The following PTK2 variants were observed in gnomAD, a reference collection of about 807,000 sequenced individuals.
PTK2 encodes the protein focal adhesion kinase 1.
A neutral mutation model predicts 150.1 loss-of-function variants in PTK2; 45 were observed. The observed-to-expected ratio is 0.30, with a 90% CI of 0.24 to 0.38. The LOEUF is 0.38. Ranked by LOEUF, PTK2 falls within the 10% of genes least tolerant of loss-of-function variation. The pLI, the probability that PTK2 is intolerant of heterozygous loss-of-function variation, is 1.00. For missense variants in PTK2, 919 were observed against 1,307.3 expected (o/e 0.70, Z 4.58); for synonymous variants, 432 against 449.2 (o/e 0.96, Z 0.48).
intron 17 of PTK2, among the ~76,000 whole-genome samples, chr8:140,747,699 AGGAGGAGGGGGAGGAAG>A (rs1297440498): frequency 1.6e-4 from 9 of 54,594 alleles, no homozygotes; most frequent in African/African-American, 3.8e-4. Flanking sequence ...AGGAGGAGGG[AGGAGGAGGGGGAGGAAG>A]GGAGGAGGGG....
chr8:140,793,322 C>CA, intron 13 of PTK2, 32 bp downstream of exon 13: 2 of 1,588,122 alleles, frequency 1.3e-6, no homozygotes, highest in Non-Finnish European at 1.7e-6. Flanking sequence ...TCCAACAAAA[C>CA]AAAATAACAG....
chr8:140,988,750 A>G (rs1176651109), intron 1 of PTK2, among the ~76,000 whole-genome samples: 1 of 150,608 alleles, frequency 6.6e-6, no homozygotes, highest in Non-Finnish European at 1.5e-5. Flanking sequence ...AAAAAAAAAA[A>G]AGACACACAC....
At chr8:140,858,874 T>C (rs2100134418) in intron 5 of PTK2, among the ~76,000 whole-genome samples, 1 of 152,100 alleles carries the variant, frequency 6.6e-6, no homozygotes, top group South Asian at 2.1e-4. Context: ...ACAATTAGTA[T>C]CAAATGAGCC....
intron 27 of PTK2, among the ~76,000 whole-genome samples, chr8:140,684,814 T>G (rs2100018923): frequency 6.6e-6 from 1 of 152,198 alleles, no homozygotes; most frequent in Admixed American, 6.5e-5. Flanking sequence ...CCAATGGTCA[T>G]ACCGCCCAAA....
intron 30 of PTK2, among the ~76,000 whole-genome samples, chr8:140,667,618 C>G (rs1264062900): frequency 2.6e-5 from 4 of 152,186 alleles, no homozygotes; most frequent in Admixed American, 6.5e-5. Context: ...TCCTTTTACA[C>G]AGGACACCTG....
chr8:140,779,080 G>A (rs1321288489), intron 14 of PTK2, among the ~76,000 whole-genome samples: 1 of 151,752 alleles, frequency 6.6e-6, no homozygotes. Flanking sequence ...GGTCAACATG[G>A]TGAAACCCCG....
At chr8:140,703,726 ATT>A (rs2100032088) in intron 24 of PTK2, among the ~76,000 whole-genome samples, 1 of 152,254 alleles carries the variant, frequency 6.6e-6, no homozygotes, top group Non-Finnish European at 1.5e-5. Flanking sequence ...GAGAGAAGAC[ATT>A]CAGTTGGACA....
chr8:140,864,296 A>C lies in PTK2; in HGVS notation c.450+16T>G. 2 of 1,414,068 alleles carry C rather than the reference A, an allele frequency of 1.4e-6. No individual in the cohort carries two copies. Among genetic ancestry groups the C allele is most frequent in the Non-Finnish European group, 1.9e-6 (2 of 1,049,232 alleles). 87.6% of individuals were successfully genotyped at this position (1,414,068 alleles called of 1,614,324 possible). ...AAGAAACAAACAAAAAAGTATATGA[A>C]AGCAGTCTCTAATACCTGTTGATAG... On this transcript the variant is annotated intron_variant, in intron 5 of 31. Transcript: ENST00000522684.
At chr8:140,767,235 C>T (rs2100072773) in intron 14 of PTK2, among the ~76,000 whole-genome samples, 1 of 149,176 alleles carries the variant, frequency 6.7e-6, no homozygotes, top group East Asian at 2.0e-4. Flanking sequence ...CATACAATCA[C>T]AAGAGAAAAC....
chr8:140,918,867 G>A (rs1426348974), intron 2 of PTK2, among the ~76,000 whole-genome samples: 2 of 152,174 alleles, frequency 1.3e-5, no homozygotes, highest in African/African-American at 2.4e-5. Flanking sequence ...TCTACAAGTT[G>A]TAACTTTTAT....
chr8:140,665,158 T>C (rs1056218261), intron 30 of PTK2, among the ~76,000 whole-genome samples, 161 bp from the exon 35 acceptor site: 2 of 152,130 alleles, frequency 1.3e-5, no homozygotes, highest in African/African-American at 4.8e-5. Context: ...GAGGCTCCTT[T>C]TTCTCCCAAA....
chr8:140,807,201 C>G (rs1377622724), intron 10 of PTK2, among the ~76,000 whole-genome samples: 1 of 152,162 alleles, frequency 6.6e-6, no homozygotes, highest in Non-Finnish European at 1.5e-5. Flanking sequence ...AAACATTACA[C>G]AAGTAAACCA....
chr8:140,680,867 T>G, intron 27 of PTK2, among the ~76,000 whole-genome samples: 1 of 152,126 alleles, frequency 6.6e-6, no homozygotes. Context: ...TTGCAAGATT[T>G]TAAGGTAAGT....
At chr8:140,982,065 A>T (rs1377727057) in intron 1 of PTK2, among the ~76,000 whole-genome samples, 2 of 10,712 alleles carry the variant, frequency 1.9e-4, no homozygotes, top group Non-Finnish European at 4.4e-4. Flanking sequence ...CCAACTCAAT[A>T]AAAAAAAAAA....
intron 29 of PTK2, among the ~76,000 whole-genome samples, chr8:140,671,741 G>A (rs998906969): frequency 3.9e-4 from 52 of 133,776 alleles, no homozygotes; most frequent in African/African-American, 5.4e-4. Flanking sequence ...GTGAAACCCC[G>A]TCTCTACTAA....
intron 11 of PTK2, among the ~76,000 whole-genome samples, chr8:140,802,898 A>G (rs1466979041): frequency 2.0e-5 from 3 of 152,184 alleles, no homozygotes; most frequent in Non-Finnish European, 4.4e-5. Flanking sequence ...TTTGCACAAC[A>G]AAGAAATCAG....
At chr8:140,831,431 T>A (rs1350015975) in intron 7 of PTK2, among the ~76,000 whole-genome samples, 4 of 152,192 alleles carry the variant, frequency 2.6e-5, no homozygotes, top group African/African-American at 4.8e-5. Context: ...ATATAAAGTA[T>A]CAAGAAACAG....
intron 4 of PTK2, among the ~76,000 whole-genome samples, chr8:140,870,041 A>C (rs534680155): frequency 6.6e-6 from 1 of 152,272 alleles, no homozygotes; most frequent in East Asian, 1.9e-4. Flanking sequence ...AGCTTGAAAA[A>C]ATGTACACAA....
chr8:140,963,045 T>G (rs907111583), intron 1 of PTK2, among the ~76,000 whole-genome samples: 2 of 152,086 alleles, frequency 1.3e-5, no homozygotes, highest in South Asian at 4.1e-4. Context: ...AAAAGCAGAT[T>G]TGGCCCACGT....
Sources: gnomAD v4.1 joint callset for allele counts (sites outside exome capture counted in the v4.1 genomes callset) on GRCh38, gnomAD v4.1.1 for gene constraint, MANE v1.5 for transcripts, NCBI Gene and HGNC (gene_info 2026-07-23, HGNC 2026-07-21) for gene names.